Variants in RORA observed in about 807,000 individuals in gnomAD.
RORA encodes nuclear receptor ROR-alpha.
RORA carries 7 observed loss-of-function variants against 69.5 expected under a neutral mutation model. That is an observed-to-expected ratio of 0.10 (90% CI 0.06 to 0.19). RORA has a LOEUF of 0.19. RORA is among the 10% of genes least tolerant of loss of function. RORA has a pLI of 1.00. For missense variants in RORA, 457 were observed against 663.0 expected (o/e 0.69, Z 3.41); for synonymous variants, 261 against 240.8 (o/e 1.08, Z -0.78).
At chr15:60,832,692 T>C (rs963306747) in intron 1 of RORA, among the ~76,000 whole-genome samples, 2 of 152,168 alleles carry the variant, frequency 1.3e-5, no homozygotes, top group African/African-American at 4.8e-5. Flanking sequence ...GGAGAGTCGA[T>C]TCATCAAAAT....
chr15:61,026,723 A>G (rs1180543916), intron 1 of RORA, among the ~76,000 whole-genome samples: 10 of 152,220 alleles, frequency 6.6e-5, no homozygotes. Context: ...ACAGGAATAG[A>G]TGAAGGATGC....
rs571284051 is a variant in RORA at position 60,619,361 on chromosome 15, T to C, written c.196+59296A>G. The stretch of plus-strand genomic sequence containing the variant: ...ACTGTCAGCAGCCACCTCAGCTGCA[T>C]TTGAACAATTTGGGGACAAACTATC... On this transcript the variant is annotated intron_variant, in intron 2 of 10. Transcript: ENST00000335670. Among the ~76,000 whole-genome samples the C allele has an allele frequency of 9.2e-5, 14 of 152,318 alleles. No homozygotes were observed. The South Asian group carries it at 2.3e-3, about 25-fold the overall frequency.
intron 1 of RORA, among the ~76,000 whole-genome samples, chr15:60,706,006 G>A (rs76691533): frequency 1.3e-5 from 2 of 152,148 alleles, no homozygotes; most frequent in Non-Finnish European, 2.9e-5. Context: ...GCATGTCTCA[G>A]GTGAGGAAAT....
intron 1 of RORA, among the ~76,000 whole-genome samples, chr15:61,052,776 G>A (rs985075416): frequency 6.6e-6 from 1 of 152,146 alleles, no homozygotes; most frequent in African/African-American, 2.4e-5. Context: ...GCAGAAAAGA[G>A]GTACAAAGAG....
At chr15:61,090,094 A>G (rs1382086663) in intron 1 of RORA, among the ~76,000 whole-genome samples, 1 of 152,240 alleles carries the variant, frequency 6.6e-6, no homozygotes, top group African/African-American at 2.4e-5. Flanking sequence ...CTCCATTCGT[A>G]ATATTCAGTA....
intron 1 of RORA, among the ~76,000 whole-genome samples, chr15:60,687,192 AAG>A (rs1000696487): frequency 3.3e-5 from 5 of 152,342 alleles, no homozygotes; most frequent in Admixed American, 6.5e-5. Context: ...ACTCTCAGAT[AAG>A]ATGAAAAGTA....
chr15:60,610,197 G>GAC (rs1432640485), intron 2 of RORA, among the ~76,000 whole-genome samples: 1 of 66,858 alleles, frequency 1.5e-5, no homozygotes, highest in African/African-American at 6.8e-5. Flanking sequence ...TGTCGTGTAA[G>GAC]TCACACACAC....
intron 2 of RORA, among the ~76,000 whole-genome samples, chr15:60,632,438 T>C (rs1249100932): frequency 6.6e-6 from 1 of 152,156 alleles, no homozygotes; most frequent in Non-Finnish European, 1.5e-5. Context: ...AAGGGTCAGA[T>C]AGACTTAGGT....
At chr15:60,574,521 A>G (rs2067972097) in intron 2 of RORA, among the ~76,000 whole-genome samples, 1 of 152,354 alleles carries the variant, frequency 6.6e-6, no homozygotes, top group South Asian at 2.1e-4. Flanking sequence ...TGTACCGGCT[A>G]AGGCTGGATG....
intron 1 of RORA, among the ~76,000 whole-genome samples, chr15:60,904,244 C>T (rs908875058): frequency 2.0e-5 from 3 of 152,244 alleles, no homozygotes; most frequent in African/African-American, 7.2e-5. Context: ...ATGATATGAG[C>T]GTCCTGGCTG....
rs2065197044 is a variant in RORA, at chr15:60,497,471, A to G, written c.1556T>C (p.Met519Thr). 1 of 1,613,942 alleles carries G rather than the reference A, an allele frequency of 6.2e-7. No homozygotes were observed. Among genetic ancestry groups the G allele is most frequent in the African/African-American group, 1.3e-5 (1 of 74,912 alleles). The change falls in exon 11 of 11, where the codon ATG becomes ACG. Residue 519 changes from methionine to threonine, a missense_variant. Met to Thr is a moderately conservative substitution (Grantham distance 81). This residue lies in a region of RORA where 304 missense variants were observed against 447.4 expected (regional missense o/e 0.68). Transcript: ENST00000335670. The stretch of plus-strand genomic sequence containing the variant: ...TGATAACATTTACCCATCAATTTGC[A>G]TTGCTGGCTCAAATTCTGAAGTGAA... ...ELFTSEFEPA[M>T]QIDG is the part of the protein sequence containing the mutation.
chr15:60,924,683 G>A lies in RORA; in HGVS notation c.167-245997C>T, dbSNP rs143058835. Among the ~76,000 whole-genome samples the A allele has an allele frequency of 1.9e-3, 292 of 152,290 alleles. 1 individual carries two copies. The highest frequency in any genetic ancestry group is 6.8e-3 in the African/African-American group (284 of 41,560). On this transcript the variant is annotated intron_variant, in intron 1 of 10. Coordinates refer to ENST00000335670, the MANE Select transcript of RORA (RefSeq NM_134261.3). ...GAAGCACTAAACCACAGGGCGGTGC[G>A]TGGAGGCAGCCAGGCCATGTGGTGG...
intron 2 of RORA, among the ~76,000 whole-genome samples, chr15:60,590,804 G>A (rs887807778): frequency 6.6e-6 from 1 of 152,014 alleles, no homozygotes; most frequent in Non-Finnish European, 1.5e-5. Context: ...GATCACGGGA[G>A]GTTTCCTCTC....
intron 1 of RORA, among the ~76,000 whole-genome samples, chr15:61,199,497 G>A (rs1050715893): frequency 2.6e-5 from 4 of 152,104 alleles, no homozygotes; most frequent in South Asian, 2.1e-4. Context: ...GAAAAATCCC[G>A]TTTTGACTCC....
intron 1 of RORA, among the ~76,000 whole-genome samples, chr15:60,986,639 A>G (rs1894211936): frequency 6.6e-6 from 1 of 152,180 alleles, no homozygotes; most frequent in Admixed American, 6.5e-5. Context: ...TTTCAAGTTC[A>G]CAGTGCCCAG....
chr15:61,088,047 C>T (rs906173094), intron 1 of RORA, among the ~76,000 whole-genome samples: 7 of 152,190 alleles, frequency 4.6e-5, no homozygotes, highest in Non-Finnish European at 1.0e-4. Flanking sequence ...TGGTTCAATT[C>T]GGATCTACAG....
chr15:60,499,807 A>G, intron 10 of RORA, 85 bp downstream of exon 10: 1 of 733,100 alleles, frequency 1.4e-6, no homozygotes, highest in Non-Finnish European at 2.3e-6. Flanking sequence ...GGAATTGGTC[A>G]TATGACTTAC....
chr15:60,960,261 G>A (rs1315924515), intron 1 of RORA, among the ~76,000 whole-genome samples: 1 of 152,048 alleles, frequency 6.6e-6, no homozygotes, highest in Non-Finnish European at 1.5e-5. Context: ...ATTAGCTTAC[G>A]GCTGGCACAT....
chr15:60,990,784 T>G (rs925635543), intron 1 of RORA, among the ~76,000 whole-genome samples: 2 of 152,178 alleles, frequency 1.3e-5, no homozygotes, highest in Non-Finnish European at 2.9e-5. Flanking sequence ...GGACCATTAT[T>G]TAATACACAT....
Sources: gnomAD v4.1 joint callset for allele counts (sites outside exome capture counted in the v4.1 genomes callset) on GRCh38, gnomAD v4.1.1 for gene constraint, gnomAD v4.1.1 regional missense constraint, MANE v1.5 for transcripts, NCBI Gene and HGNC (gene_info 2026-07-23, HGNC 2026-07-21) for gene names.